The following COL14A1 variants were observed in gnomAD, a reference collection of about 807,000 sequenced individuals.
The protein encoded by COL14A1 is collagen alpha-1(XIV) chain.
A neutral mutation model predicts 230.3 loss-of-function variants in COL14A1; 136 were observed. The ratio of observed to expected loss-of-function variants is 0.59; its 90% CI spans 0.51 to 0.68. The LOEUF (loss-of-function observed/expected upper bound fraction) is 0.68. Ranked by LOEUF, COL14A1 falls within the 30% of genes least tolerant of loss-of-function variation. COL14A1 has a pLI of 0.00. For synonymous variants in COL14A1, 792 were observed against 784.1 expected (o/e 1.01, Z -0.17); for missense variants, 1,976 against 2,215.8 (o/e 0.89, Z 2.17).
At chr8:120,364,179 G>T (rs918809365) in intron 45 of COL14A1, among the ~76,000 whole-genome samples, 1 of 151,998 alleles carries the variant, frequency 6.6e-6, no homozygotes, top group Non-Finnish European at 1.5e-5. Flanking sequence ...CCCCACCTTG[G>T]TTCTGTGCAA....
At chr8:120,198,279 C>T (rs1817114087) in intron 7 of COL14A1, among the ~76,000 whole-genome samples, 1 of 152,130 alleles carries the variant, frequency 6.6e-6, no homozygotes, top group Non-Finnish European at 1.5e-5. Context: ...AAACAAATTT[C>T]TTCTTATTTT....
chr8:120,292,882 G>C (rs1313313409), intron 34 of COL14A1, among the ~76,000 whole-genome samples: 3 of 152,020 alleles, frequency 2.0e-5, no homozygotes, highest in Non-Finnish European at 4.4e-5. Context: ...TAAGGATACA[G>C]TAACTACTCG....
chr8:120,160,326 G>T (rs920540225), intron 3 of COL14A1, among the ~76,000 whole-genome samples: 2 of 152,088 alleles, frequency 1.3e-5, no homozygotes, highest in African/African-American at 4.8e-5. Context: ...GATCTGGAAA[G>T]GTAATTTTTT....
chr8:120,345,623 A>G (rs1822483145), intron 45 of COL14A1, 60 bp downstream of exon 45: 5 of 1,332,578 alleles, frequency 3.8e-6, no homozygotes, highest in Middle Eastern at 2.5e-4. Context: ...GAAGCAGAAC[A>G]TTATAGTGGT....
chr8:120,191,601 G>C (rs568640300), intron 5 of COL14A1, among the ~76,000 whole-genome samples: 2 of 152,008 alleles, frequency 1.3e-5, no homozygotes, highest in South Asian at 4.2e-4. Context: ...GGGTATCCTT[G>C]TGAACTTTCT....
intron 40 of COL14A1, among the ~76,000 whole-genome samples, chr8:120,331,369 G>T (rs1431377741): frequency 6.6e-6 from 1 of 152,168 alleles, no homozygotes; most frequent in Admixed American, 6.5e-5. Flanking sequence ...ATAAAATTCA[G>T]ATTGAAGATT....
At chr8:120,126,982 T>G (rs903947826) in intron 1 of COL14A1, among the ~76,000 whole-genome samples, 5 of 152,202 alleles carry the variant, frequency 3.3e-5, no homozygotes, top group Admixed American at 6.5e-5. Context: ...ATTTAAAGTG[T>G]ACAATTCAAT....
Position 120,255,244 on chromosome 8 carries a change from C to A in COL14A1, c.2757C>A (p.Phe919Leu). 2.5e-6 allele frequency: 4 copies of A among 1,612,584 alleles called. No homozygotes were observed. Among genetic ancestry groups the A allele is most frequent in the Non-Finnish European group, 3.4e-6 (4 of 1,178,630 alleles). The stretch of plus-strand genomic sequence containing the variant: ...TATGTTTCTATTTCATTCCAGTGTT[C>A]TTGGGTGTTACCAATCTCCAAGCCA... ...DALTGMVKTL[F>L]LGVTNLQAKH... The change falls in exon 23 of 48, where the codon TTC (phenylalanine) becomes TTA (leucine). Residue 919 changes from phenylalanine (F) to leucine (L), a missense_variant. This residue lies in a region of COL14A1 where 1,791 missense variants were observed against 2,019.5 expected (regional missense o/e 0.89). Transcript: ENST00000297848.
chr8:120,276,017 G>A (rs1341966666), intron 26 of COL14A1, among the ~76,000 whole-genome samples: 1 of 150,924 alleles, frequency 6.6e-6, no homozygotes, highest in Non-Finnish European at 1.5e-5. Flanking sequence ...TATGTCAAAA[G>A]ACACCAGTAA....
chr8:120,141,106 G>T (rs758610706), intron 1 of COL14A1, among the ~76,000 whole-genome samples: 3 of 152,130 alleles, frequency 2.0e-5, no homozygotes, highest in Non-Finnish European at 4.4e-5. Flanking sequence ...CTATCTCATG[G>T]CATTTTAATA....
At chr8:120,276,389 A>G (rs181569706) in intron 26 of COL14A1, among the ~76,000 whole-genome samples, 7 of 148,984 alleles carry the variant, frequency 4.7e-5, no homozygotes, top group Non-Finnish European at 7.4e-5. Context: ...TGAAGGATAA[A>G]AAAACTACAT....
At chr8:120,210,971 A>G (rs1360302952) in intron 12 of COL14A1, among the ~76,000 whole-genome samples, 1 of 150,790 alleles carries the variant, frequency 6.6e-6, no homozygotes, top group Non-Finnish European at 1.5e-5. Context: ...ATGAAAGAGA[A>G]AAAAAAAAGG....
chr8:120,302,839 C>T (rs1323148998), intron 36 of COL14A1, among the ~76,000 whole-genome samples: 7 of 152,132 alleles, frequency 4.6e-5, no homozygotes, highest in Admixed American at 4.6e-4. Flanking sequence ...GGAGGATGGC[C>T]ATTTTAACAG....
At chr8:120,318,134 A>C (rs1024335410) in intron 40 of COL14A1, among the ~76,000 whole-genome samples, 1 of 152,224 alleles carries the variant, frequency 6.6e-6, no homozygotes, top group Admixed American at 6.5e-5. Context: ...ATTGTGTAAC[A>C]TGGCTGCCTT....
chr8:120,341,211 G>T (rs1822283339), intron 42 of COL14A1, 114 bp from the exon 43 acceptor site: 1 of 999,304 alleles, frequency 1.0e-6, no homozygotes, highest in Non-Finnish European at 1.6e-6. Context: ...GATTTTTGCT[G>T]CAGAATTACT....
intron 28 of COL14A1, among the ~76,000 whole-genome samples, chr8:120,279,068 CAT>C (rs1819947929): frequency 6.7e-6 from 1 of 149,772 alleles, no homozygotes; most frequent in African/African-American, 2.5e-5. Flanking sequence ...CTAAACACCA[CAT>C]GTTCTCACTC....
chr8:120,315,379 A>G (rs1463828489), intron 38 of COL14A1, among the ~76,000 whole-genome samples, 154 bp from the exon 39 acceptor site: 1 of 151,030 alleles, frequency 6.6e-6, no homozygotes, highest in Non-Finnish European at 1.5e-5. Flanking sequence ...TAAAAAAAAA[A>G]AAAAAAAAAA....
At position 120,168,164 on chromosome 8, in the gene COL14A1, A is replaced by G. The variant is rs1381436392; in HGVS notation, c.353A>G (p.Lys118Arg). ...TGTATCTCTACTTTTCTTCCAGTTA[A>G]AGATTTAGAAAAAAGAAAGGATCCA... Reference protein sequence around the residue: ...SKPAQGQFRIKDLEKRKDPKP... With the variant: ...SKPAQGQFRIRDLEKRKDPKP... The change falls in exon 5 of 48, where the codon AAA (lysine) becomes AGA (arginine). Residue 118 changes from lysine to arginine, a missense_variant. Lys to Arg is a conservative substitution (Grantham distance 26). Coordinates refer to ENST00000297848, the MANE Select transcript of COL14A1 (RefSeq NM_021110.4). 6.2e-7 allele frequency: 1 copy of G among 1,607,360 alleles called. No homozygotes were observed. The highest frequency in any genetic ancestry group is 1.7e-5 in the Admixed American group (1 of 59,540).
At chr8:120,303,498 C>T (rs553795014) in intron 36 of COL14A1, among the ~76,000 whole-genome samples, 27 of 152,106 alleles carry the variant, frequency 1.8e-4, no homozygotes, top group African/African-American at 6.3e-4. Context: ...GAGATAATTA[C>T]GTGGTTTTTG....
Sources: gnomAD v4.1 joint callset for allele counts (sites outside exome capture counted in the v4.1 genomes callset) on GRCh38, gnomAD v4.1.1 for gene constraint, gnomAD v4.1.1 regional missense constraint, MANE v1.5 for transcripts, NCBI Gene and HGNC (gene_info 2026-07-23, HGNC 2026-07-21) for gene names.